The following CSE1L variants were observed in gnomAD, a reference collection of about 807,000 sequenced individuals.
The protein encoded by CSE1L is chromosome segregation 1 like.
Under a neutral mutation model 120.4 loss-of-function variants are expected in CSE1L, and 24 were observed. The observed-to-expected ratio is 0.20, with a 90% CI of 0.14 to 0.28. The LOEUF (loss-of-function observed/expected upper bound fraction) is 0.28, where lower values mean the gene tolerates loss of function less well. CSE1L is among the 10% of genes least tolerant of loss of function. The probability of loss-of-function intolerance (pLI) is 1.00; values close to 1 mark genes in which losing one functional copy is unlikely to be tolerated. For synonymous variants in CSE1L, 402 were observed against 398.3 expected, an observed-to-expected ratio of 1.01 and a Z score of -0.11; for missense variants, 830 against 1,145.2, an observed-to-expected ratio of 0.72 and a Z score of 3.97.
chr20:49,056,847 C>CTGTGTGTG (rs3223230), intron 1 of CSE1L, among the ~76,000 whole-genome samples: 219 of 149,074 alleles, frequency 1.5e-3, no homozygotes, highest in South Asian at 4.7e-3. Flanking sequence ...ACTTCACATG[C>CTGTGTGTG]TGTGTGTGTG....
intron 17 of CSE1L, 67 bp downstream of exon 17, chr20:49,088,173 C>T (rs904115499): frequency 9.4e-7 from 1 of 1,059,306 alleles, no homozygotes; most frequent in African/African-American, 1.6e-5. Flanking sequence ...GGCCTCAGAA[C>T]TCTTTGGCAT....
intron 1 of CSE1L, among the ~76,000 whole-genome samples, chr20:49,047,137 T>C (rs564400638): frequency 6.6e-6 from 1 of 152,314 alleles, no homozygotes; most frequent in South Asian, 2.1e-4. Context: ...GCATAGACTT[T>C]GGAATTAGAT....
intron 1 of CSE1L, among the ~76,000 whole-genome samples, chr20:49,057,832 A>G (rs60126792): frequency 0.046 from 7,022 of 152,106 alleles, 493 homozygotes; most frequent in African/African-American, 0.15. Flanking sequence ...GGATTTTACC[A>G]TGTTGACCAG....
intron 17 of CSE1L, among the ~76,000 whole-genome samples, chr20:49,088,909 C>CT (rs766868459): frequency 5.9e-5 from 9 of 152,184 alleles, no homozygotes; most frequent in Non-Finnish European, 1.3e-4. Context: ...GGGGGATTAT[C>CT]AGTAAGTAGA....
At chr20:49,080,774 C>G (rs536487294) in intron 14 of CSE1L, among the ~76,000 whole-genome samples, 63 of 152,224 alleles carry the variant, frequency 4.1e-4, no homozygotes, top group African/African-American at 1.3e-3. Context: ...CCGCGCCCGG[C>G]CTTATTCATT....
intron 1 of CSE1L, among the ~76,000 whole-genome samples, chr20:49,057,891 C>CAAAGT (rs1180821434): frequency 2.0e-4 from 30 of 152,292 alleles, no homozygotes; most frequent in African/African-American, 6.0e-4. Flanking sequence ...CTCAGCCTCC[C>CAAAGT]AAAGTGCTGG....
intron 13 of CSE1L, among the ~76,000 whole-genome samples, chr20:49,077,840 C>G (rs370524080): frequency 6.9e-4 from 105 of 152,162 alleles, no homozygotes; most frequent in African/African-American, 2.4e-3. Context: ...CCCGTCTCTA[C>G]TAAGAATACA....
chr20:49,058,423 C>A, intron 1 of CSE1L, 30 bp from the exon 2 acceptor site: 1 of 1,445,236 alleles, frequency 6.9e-7, no homozygotes, highest in South Asian at 1.2e-5. Context: ...CGTAAGTGAC[C>A]AGTTATCCAA....
In CSE1L at chr20:49,074,176, AGTGTGTGTGTGT is replaced by A. The variant is rs71184254; in HGVS notation, c.1067-578_1067-567del. On this transcript the variant is annotated intron_variant, in intron 10 of 24. Coordinates refer to ENST00000262982, the MANE Select transcript of CSE1L (RefSeq NM_001316.4). ...CAGTGAGACATGATCATACAACTGC[AGTGTGTGTGTGT>A]GTGTGTGTGTGTGTGTGTGTGTGTG... Among the ~76,000 whole-genome samples the A allele has an allele frequency of 3.3e-3, 380 of 115,452 alleles. 2 individuals are homozygous for A. Among genetic ancestry groups the A allele is most frequent in the African/African-American group, 8.0e-3 (249 of 31,090 alleles). 75.7% of individuals were successfully genotyped at this position (115,452 alleles called of 152,430 possible). A position where few individuals can be genotyped will look rare whatever the true frequency, so the allele number is the denominator to read the frequency against.
At position 49,090,834 on chromosome 20, in the gene CSE1L, G is replaced by T; in HGVS notation, c.2274G>T (p.Met758Ile). 6.2e-7 allele frequency: 1 copy of T among 1,613,024 alleles called. No individual in the cohort carries two copies. The highest frequency in any genetic ancestry group is 8.5e-7 in the Non-Finnish European group (1 of 1,179,330). Residue 758 changes from methionine (M) to isoleucine (I), a missense_variant, in exon 20 of 25, where the codon ATG becomes ATT. By Grantham distance (10) the Met-to-Ile change is conservative. Coordinates refer to ENST00000262982, the MANE Select transcript of CSE1L (RefSeq NM_001316.4). ...FYLLNSIIEH[M>I]PPESVDQYRK... ...TTCTAAACAGTATAATAGAGCACAT[G>T]CCTCCGTGAGTATGACTAGAACTTT... is the stretch of plus-strand genomic sequence containing the variant.
chr20:49,055,183 CTAAG>C (rs944778626), intron 1 of CSE1L, among the ~76,000 whole-genome samples: 17 of 152,194 alleles, frequency 1.1e-4, no homozygotes, highest in African/African-American at 4.1e-4. Context: ...AATTTGCATA[CTAAG>C]TGAGATAAAT....
intron 1 of CSE1L, among the ~76,000 whole-genome samples, chr20:49,056,711 T>C (rs2091810228): frequency 6.6e-6 from 1 of 152,126 alleles, no homozygotes; most frequent in Admixed American, 6.6e-5. Flanking sequence ...ATTTTCCTTT[T>C]AATTGAGTGG....
chr20:49,049,970 T>G (rs981925851), intron 1 of CSE1L, among the ~76,000 whole-genome samples: 9 of 152,108 alleles, frequency 5.9e-5, no homozygotes, highest in Non-Finnish European at 1.3e-4. Flanking sequence ...GAGGTTTCAG[T>G]GGGCCAGAAT....
At chr20:49,072,948 A>T (rs537270506) in intron 10 of CSE1L, among the ~76,000 whole-genome samples, 3 of 152,218 alleles carry the variant, frequency 2.0e-5, no homozygotes, top group Non-Finnish European at 4.4e-5. Flanking sequence ...TGGAATTTCT[A>T]TTTAGAGAAA....
chr20:49,061,519 T>TTATG (rs1469835278), intron 2 of CSE1L, among the ~76,000 whole-genome samples: 3 of 132,096 alleles, frequency 2.3e-5, no homozygotes, highest in African/African-American at 9.2e-5. Context: ...ATTTATTTAT[T>TTATG]TTTGAGACAG....
chr20:49,096,101 G>A (rs2092138411), intron 24 of CSE1L: 2 of 658,798 alleles, frequency 3.0e-6, no homozygotes, highest in African/African-American at 3.6e-5. Flanking sequence ...TCATTAACCA[G>A]TAAGGACTTT....
intron 8 of CSE1L, 89 bp from the exon 9 acceptor site, chr20:49,072,197 A>T: frequency 7.4e-7 from 1 of 1,347,974 alleles, no homozygotes; most frequent in Non-Finnish European, 1.0e-6. Flanking sequence ...TTAATTGATA[A>T]AGAGTCTAGT....
Position 49,078,566 on chromosome 20 carries a change from G to T in CSE1L, c.1426G>T (p.Glu476Ter). The T allele has an allele frequency of 6.4e-7, 1 of 1,570,792 alleles. No homozygotes were observed. The highest frequency in any genetic ancestry group is 1.2e-5 in the South Asian group (1 of 84,200). ...CTTTCTGTTTTTTTATATAGTGAAT[G>T]AATTTCCTGTCCTTAAAGCTGACGG... ...LPDLKSANVN[E>*]FPVLKADGIK... Residue 476 changes from glutamate (E) to a stop codon, truncating the protein, a stop_gained, in exon 14 of 25, where the codon GAA (glutamate) becomes TAA (stop). Transcript: ENST00000262982. LOFTEE classifies it high-confidence loss of function.
At chr20:49,062,387 A>G (rs140180085) in intron 2 of CSE1L, among the ~76,000 whole-genome samples, 3 of 152,316 alleles carry the variant, frequency 2.0e-5, no homozygotes, top group Non-Finnish European at 4.4e-5. Flanking sequence ...GTGTTGCCCT[A>G]TGAAGCCAAA....
Sources: allele counts gnomAD v4.1 joint callset (sites outside exome capture counted in the v4.1 genomes callset), GRCh38; gene constraint gnomAD v4.1.1; transcripts MANE v1.5; gene names NCBI Gene and HGNC (gene_info 2026-07-23, HGNC 2026-07-21).